Variants in MAP2 observed in about 807,000 individuals in gnomAD.
MAP2 encodes microtubule associated protein 2.
Under a neutral mutation model 137.6 loss-of-function variants are expected in MAP2, and 14 were observed. The observed-to-expected ratio is 0.10, with a 90% CI of 0.07 to 0.16. The LOEUF is 0.16. Ranked by LOEUF, MAP2 falls within the 10% of genes least tolerant of loss-of-function variation. The pLI, the probability that MAP2 is intolerant of heterozygous loss-of-function variation, is 1.00. For missense variants in MAP2, 2,088 were observed against 2,191.5 expected, an observed-to-expected ratio of 0.95 and a Z score of 0.94; for synonymous variants, 786 against 782.3, an observed-to-expected ratio of 1.00 and a Z score of -0.08.
intron 1 of MAP2, among the ~76,000 whole-genome samples, chr2:209,482,835 G>C (rs1349734586): frequency 6.6e-6 from 1 of 152,140 alleles, no homozygotes; most frequent in African/African-American, 2.4e-5. Context: ...AAATAAATCT[G>C]AATACTAATA....
chr2:209,727,893 A>C (rs1041573690), intron 14 of MAP2, among the ~76,000 whole-genome samples: 1 of 152,152 alleles, frequency 6.6e-6, no homozygotes, highest in Non-Finnish European at 1.5e-5. Flanking sequence ...TTTTCTGAAT[A>C]TGTTTTGGGT....
rs2075834183 is a variant in MAP2, at chr2:209,731,978, A to C, written c.*1581A>C. 1 of 152,220 alleles carries C rather than the reference A, an allele frequency of 6.6e-6. No individual in the cohort carries two copies. Among genetic ancestry groups the C allele is most frequent in the Admixed American group, 6.5e-5 (1 of 15,286 alleles). 9.4% of individuals were successfully genotyped at this position (152,220 alleles called of 1,614,324 possible). On this transcript the variant is annotated 3_prime_UTR_variant, in exon 16 of 16. Transcript: ENST00000682079. ...CACAAATCAATTAGTTCCTCTCACA[A>C]ATCATTCATCTTAGACTTACAAATA...
chr2:209,698,348 AT>A (rs1335004028), intron 10 of MAP2, among the ~76,000 whole-genome samples: 1 of 152,126 alleles, frequency 6.6e-6, no homozygotes, highest in Non-Finnish European at 1.5e-5. Flanking sequence ...CTTACACTAT[AT>A]TTTATTTTAG....
At chr2:209,554,161 A>G (rs1384947251) in intron 2 of MAP2, among the ~76,000 whole-genome samples, 1 of 152,202 alleles carries the variant, frequency 6.6e-6, no homozygotes, top group Non-Finnish European at 1.5e-5. Context: ...TCTCATCTTA[A>G]TACTTGCTTC....
At chr2:209,603,172 C>G (rs1001523901) in intron 3 of MAP2, among the ~76,000 whole-genome samples, 3 of 152,056 alleles carry the variant, frequency 2.0e-5, no homozygotes, top group African/African-American at 7.2e-5. Context: ...GATTGCCTGT[C>G]CAAACTGACC....
intron 5 of MAP2, among the ~76,000 whole-genome samples, chr2:209,658,568 A>G (rs28435689): frequency 0.19 from 28,640 of 151,778 alleles, 3,891 homozygotes; most frequent in African/African-American, 0.38. Context: ...GTGCAATGGC[A>G]CGATCTTGGC....
intron 1 of MAP2, among the ~76,000 whole-genome samples, chr2:209,428,553 A>G (rs191926984): frequency 6.6e-6 from 1 of 152,052 alleles, no homozygotes; most frequent in African/African-American, 2.4e-5. Context: ...TGGCAAAATA[A>G]ACATTGGTCT....
chr2:209,657,143 A>G (rs1306382512), intron 5 of MAP2, among the ~76,000 whole-genome samples: 1 of 152,022 alleles, frequency 6.6e-6, no homozygotes. Context: ...ATTCCATCGT[A>G]TATCTACACT....
intron 5 of MAP2, among the ~76,000 whole-genome samples, chr2:209,668,650 T>C (rs1413814663): frequency 6.6e-6 from 1 of 152,072 alleles, no homozygotes; most frequent in Non-Finnish European, 1.5e-5. Flanking sequence ...TTACCCTTCT[T>C]GCTGTAAAAA....
At chr2:209,562,077 T>G (rs2072243251) in intron 2 of MAP2, among the ~76,000 whole-genome samples, 1 of 152,174 alleles carries the variant, frequency 6.6e-6, no homozygotes, top group Non-Finnish European at 1.5e-5. Flanking sequence ...TTAAGGGTCA[T>G]GAAAGATATA....
chr2:209,455,074 G>A (rs1021875589), intron 1 of MAP2, among the ~76,000 whole-genome samples: 1 of 152,110 alleles, frequency 6.6e-6, no homozygotes, highest in Non-Finnish European at 1.5e-5. Flanking sequence ...CACATCATGA[G>A]GACCTCACCC....
At chr2:209,489,806 C>T (rs763794242) in intron 1 of MAP2, among the ~76,000 whole-genome samples, 4 of 152,056 alleles carry the variant, frequency 2.6e-5, no homozygotes, top group African/African-American at 7.2e-5. Context: ...AAACGCCAAA[C>T]CTACAATTGA....
intron 10 of MAP2, among the ~76,000 whole-genome samples, chr2:209,698,146 C>A (rs1487576728): frequency 2.6e-5 from 4 of 152,218 alleles, no homozygotes; most frequent in South Asian, 2.1e-4. Context: ...CTGCACCCGG[C>A]CTGCTATCTA....
At chr2:209,661,938 A>G (rs2043835050) in intron 5 of MAP2, among the ~76,000 whole-genome samples, 2 of 152,202 alleles carry the variant, frequency 1.3e-5, no homozygotes. Context: ...CCAACATCAG[A>G]TAAAGTTTTG....
chr2:209,669,185 G>T (rs563818279), intron 5 of MAP2, among the ~76,000 whole-genome samples: 3 of 152,228 alleles, frequency 2.0e-5, no homozygotes, highest in South Asian at 2.1e-4. Flanking sequence ...TAAGGTTGAT[G>T]ATTGCTGCTA....
chr2:209,559,934 T>A (rs2071611095), intron 2 of MAP2, among the ~76,000 whole-genome samples: 2 of 152,218 alleles, frequency 1.3e-5, no homozygotes, highest in African/African-American at 4.8e-5. Flanking sequence ...TTGAGAGTAC[T>A]TGGTGAAATA....
intron 1 of MAP2, among the ~76,000 whole-genome samples, chr2:209,426,199 C>T (rs777977260): frequency 6.6e-5 from 10 of 151,996 alleles, no homozygotes; most frequent in Non-Finnish European, 1.3e-4. Context: ...TCATATTTTA[C>T]AGTTTGCTAC....
chr2:209,676,771 A>ATATATATC (rs2051930933), intron 5 of MAP2, among the ~76,000 whole-genome samples: 1 of 107,422 alleles, frequency 9.3e-6, no homozygotes, highest in Non-Finnish European at 1.9e-5. Context: ...ATATATATAT[A>ATATATATC]TCTCCCAATT....
intron 12 of MAP2, 61 bp from the exon 13 acceptor site, chr2:209,709,853 G>A (rs1005999992): frequency 1.4e-5 from 17 of 1,172,448 alleles, no homozygotes; most frequent in Non-Finnish European, 2.1e-5. Flanking sequence ...TATGGGAAGA[G>A]GGATGTTTTG....
Sources: allele counts gnomAD v4.1 joint callset (sites outside exome capture counted in the v4.1 genomes callset), GRCh38; gene constraint gnomAD v4.1.1; transcripts MANE v1.5; gene names NCBI Gene and HGNC (gene_info 2026-07-23, HGNC 2026-07-21).